The following TMEM192 variants were observed in gnomAD, a reference collection of about 807,000 sequenced individuals.
TMEM192 encodes transmembrane protein 192.
In TMEM192, 20 loss-of-function variants were observed where a neutral mutation model predicts 26.7. That is an observed-to-expected ratio of 0.75 (90% CI 0.53 to 1.09). The LOEUF is 1.09. Ranked by LOEUF, TMEM192 falls within the 50% of genes least tolerant of loss-of-function variation. The pLI is 0.00. For synonymous variants in TMEM192, 124 were observed against 121.0 expected, an observed-to-expected ratio of 1.02 and a Z score of -0.16; for missense variants, 304 against 322.6, an observed-to-expected ratio of 0.94 and a Z score of 0.44.
chr4:165,089,865 G>A (rs141381696), intron 3 of TMEM192, among the ~76,000 whole-genome samples: 231 of 152,168 alleles, frequency 1.5e-3, no homozygotes, highest in African/African-American at 5.2e-3. Context: ...AATCCCAACA[G>A]GTATATTTGG....
intron 2 of TMEM192, among the ~76,000 whole-genome samples, chr4:165,101,413 C>A (rs773964290): frequency 6.6e-6 from 1 of 152,108 alleles, no homozygotes; most frequent in Non-Finnish European, 1.5e-5. Flanking sequence ...GTTGCCCAGG[C>A]TGGAGTGCAG....
At chr4:165,096,823 A>C (rs1288932442) in intron 3 of TMEM192, among the ~76,000 whole-genome samples, 2 of 152,214 alleles carry the variant, frequency 1.3e-5, no homozygotes, top group African/African-American at 4.8e-5. Context: ...TTTGAAAGGC[A>C]GATTTTGGAA....
At position 165,074,878 on chromosome 4, in the gene TMEM192, C is replaced by T. The variant is rs887765271; in HGVS notation, c.*4780G>A. The T allele has an allele frequency of 6.6e-6, 1 of 152,092 alleles. No individual in the cohort carries two copies. The highest frequency in any genetic ancestry group is 6.6e-5 in the Admixed American group (1 of 15,256). 9.4% of individuals were successfully genotyped at this position (152,092 alleles called of 1,614,324 possible). On this transcript the variant is annotated 3_prime_UTR_variant, in exon 6 of 6. Transcript: ENST00000306480. ...ACAGGCGGGAGCCACCACGCCCAAC[C>T]AGAAGATTCTAGTTGTTAAGAAAAA... is the stretch of plus-strand genomic sequence containing the variant.
intron 5 of TMEM192, 40 bp from the exon 6 acceptor site, chr4:165,079,836 C>A: frequency 6.3e-7 from 1 of 1,588,528 alleles, no homozygotes; most frequent in Non-Finnish European, 8.6e-7. Flanking sequence ...CACATATTCA[C>A]CAATACTCAT....
At chr4:165,106,867 C>T (rs559911494) in intron 1 of TMEM192, among the ~76,000 whole-genome samples, 2 of 152,226 alleles carry the variant, frequency 1.3e-5, no homozygotes, top group South Asian at 2.1e-4. Context: ...GCTAATTCTC[C>T]CTAATAAACC....
intron 3 of TMEM192, among the ~76,000 whole-genome samples, chr4:165,093,394 C>CTAGTTTGGTGTTTTTTA: frequency 6.6e-6 from 1 of 151,618 alleles, no homozygotes; most frequent in African/African-American, 2.4e-5. Context: ...CGCGCCTGGC[C>CTAGTTTGGTGTTTTTTA]AATACAGTTT....
intron 3 of TMEM192, 56 bp from the exon 4 acceptor site, chr4:165,088,658 T>C (rs1734682954): frequency 2.6e-6 from 4 of 1,512,374 alleles, no homozygotes; most frequent in South Asian, 1.3e-5. Flanking sequence ...ATATGGTCTT[T>C]GTCCAATAGA....
Position 165,079,605 on chromosome 4 carries a change from C to A in TMEM192, c.*53G>T. The A allele has an allele frequency of 1.3e-6, 2 of 1,539,716 alleles. No individual in the cohort carries two copies. Among genetic ancestry groups the A allele is most frequent in the Non-Finnish European group, 1.8e-6 (2 of 1,139,122 alleles). ...CGTGGCAGCTTGTCAGGTGGTCAGT[C>A]AGTCTCAATTACTCTGGGTTCCTCT... is the stretch of plus-strand genomic sequence containing the variant. On this transcript the variant is annotated 3_prime_UTR_variant, in exon 6 of 6. Transcript: ENST00000306480.
At chr4:165,090,166 G>A (rs1438742235) in intron 3 of TMEM192, among the ~76,000 whole-genome samples, 2 of 147,908 alleles carry the variant, frequency 1.4e-5, no homozygotes, top group East Asian at 2.0e-4. Context: ...AGCCAAGATC[G>A]TGGCACTGCA....
At position 165,071,086 on chromosome 4, in the gene TMEM192, T is replaced by C. The variant is rs561113288; in HGVS notation, c.*8572A>G. 5.3e-5 allele frequency: 8 copies of C among 152,264 alleles called. No individual in the cohort carries two copies. The highest frequency in any genetic ancestry group is 1.9e-4 in the African/African-American group (8 of 41,546). 9.4% of individuals were successfully genotyped at this position (152,264 alleles called of 1,614,324 possible). A position where few individuals can be genotyped will look rare whatever the true frequency, so the allele number is the denominator to read the frequency against. On this transcript the variant is annotated 3_prime_UTR_variant, in exon 6 of 6. Transcript: ENST00000306480. ...CTCAGGTGATGCCTGGAGCCACAGA[T>C]AGTACTAAACCCTACGAACACTATA... is the stretch of plus-strand genomic sequence containing the variant.
At position 165,091,207 on chromosome 4, in the gene TMEM192, G is replaced by A. The variant is rs139851207; in HGVS notation, c.440-2605C>T. On this transcript the variant is annotated intron_variant, in intron 3 of 5. Coordinates refer to ENST00000306480, the MANE Select transcript of TMEM192 (RefSeq NM_001100389.2). ...GCCTGAAACCCGGGAGGCGGAGCTT[G>A]CAGTGAGCTGAGATAGCGCCACTGC... Among the ~76,000 whole-genome samples, 1,116 of 152,226 alleles carry A rather than the reference G, an allele frequency of 7.3e-3. 8 individuals carry two copies. The highest frequency in any genetic ancestry group is 0.026 in the African/African-American group (1,065 of 41,538).
At chr4:165,088,667 G>C in intron 3 of TMEM192, 65 bp from the exon 4 acceptor site, 1 of 1,471,022 alleles carries the variant, frequency 6.8e-7, no homozygotes, top group Non-Finnish European at 9.2e-7. Flanking sequence ...TTGTCCAATA[G>C]ATAGTTGGTC....
chr4:165,084,751 A>G (rs928943656), intron 5 of TMEM192, among the ~76,000 whole-genome samples: 2 of 151,120 alleles, frequency 1.3e-5, no homozygotes, highest in Non-Finnish European at 1.5e-5. Flanking sequence ...GCTACTAAAA[A>G]TACAAAAATT....
At chr4:165,102,678 A>G (rs1735063726) in intron 2 of TMEM192, among the ~76,000 whole-genome samples, 1 of 152,146 alleles carries the variant, frequency 6.6e-6, no homozygotes, top group East Asian at 1.9e-4. Flanking sequence ...GGTAGTTTGT[A>G]GTCTCTTGAT....
At chr4:165,109,474 G>T (rs1473561383) in intron 1 of TMEM192, among the ~76,000 whole-genome samples, 1 of 152,182 alleles carries the variant, frequency 6.6e-6, no homozygotes, top group Non-Finnish European at 1.5e-5. Flanking sequence ...CAATTCTCCT[G>T]CCTCAGCCTC....
rs566441907 is a variant in TMEM192, at chr4:165,084,674, C to T, written c.677+912G>A. On this transcript the variant is annotated intron_variant, in intron 5 of 5. Transcript: ENST00000306480. ...CTGTAATCCCAGCACTTTGGGAGGC[C>T]GAGGTGGATGGATCACTTGAGGTCA... Among the ~76,000 whole-genome samples, 27 of 144,930 alleles carry T rather than the reference C, an allele frequency of 1.9e-4. No individual in the cohort carries two copies. In the Middle Eastern group the frequency reaches 0.012, roughly 65 times the overall value.
intron 5 of TMEM192, among the ~76,000 whole-genome samples, chr4:165,081,446 C>T (rs1363007833): frequency 1.2e-4 from 17 of 139,906 alleles, no homozygotes; most frequent in Admixed American, 6.8e-4. Context: ...CACAGTGGTG[C>T]GATCTCAGCT....
At chr4:165,100,971 C>CTTTT (rs71602569) in intron 2 of TMEM192, 79 bp from the exon 3 acceptor site, 463 of 772,460 alleles carry the variant, frequency 6.0e-4, no homozygotes, top group Admixed American at 1.3e-3. Context: ...AGCATACATT[C>CTTTT]TTTTTTTTTT....
intron 1 of TMEM192, among the ~76,000 whole-genome samples, chr4:165,107,430 C>G (rs139924939): frequency 1.3e-3 from 199 of 152,168 alleles, no homozygotes; most frequent in African/African-American, 4.6e-3. Flanking sequence ...TCCGTGCCCC[C>G]CTCCCCAGGC....
Sources: gnomAD v4.1 joint callset for allele counts (sites outside exome capture counted in the v4.1 genomes callset) on GRCh38, gnomAD v4.1.1 for gene constraint, MANE v1.5 for transcripts, NCBI Gene and HGNC (gene_info 2026-07-23, HGNC 2026-07-21) for gene names.